Variants in TLK2 observed in about 807,000 individuals in gnomAD.
TLK2 encodes the protein serine/threonine-protein kinase tousled-like 2.
In TLK2, 6 loss-of-function variants were observed where a neutral mutation model predicts 117.3. That is an observed-to-expected ratio of 0.05 (90% CI 0.03 to 0.10). The LOEUF (loss-of-function observed/expected upper bound fraction) is 0.10, where lower values mean the gene tolerates loss of function less well. Among genes scored for constraint, TLK2 ranks in the 10% least tolerant of loss-of-function variants. TLK2 has a pLI of 1.00. For synonymous variants in TLK2, 257 were observed against 316.7 expected (o/e 0.81, Z 2.00); for missense variants, 299 against 901.2 (o/e 0.33, Z 8.56).
upstream of TLK2, among the ~76,000 whole-genome samples, chr17:62,477,090 CA>C (rs368864224): frequency 1.1e-3 from 163 of 144,878 alleles, no homozygotes; most frequent in South Asian, 5.4e-3. Flanking sequence ...GACTCTGTCT[CA>C]AAAAAAAAAA....
At chr17:62,529,683 G>A (rs560121120) in intron 6 of TLK2, among the ~76,000 whole-genome samples, 2 of 152,114 alleles carry the variant, frequency 1.3e-5, no homozygotes, top group Admixed American at 1.3e-4. Flanking sequence ...TTTCTCTTAA[G>A]TCTAAAATTT....
At chr17:62,532,598 A>C (rs1009798972) in intron 6 of TLK2, among the ~76,000 whole-genome samples, 7 of 152,346 alleles carry the variant, frequency 4.6e-5, no homozygotes, top group Non-Finnish European at 8.8e-5. Flanking sequence ...ATGAAAGTTC[A>C]ACAATTCAGA....
intron 11 of TLK2, 108 bp downstream of exon 11, chr17:62,565,245 C>T (rs925769150): frequency 7.1e-7 from 1 of 1,407,490 alleles, no homozygotes; most frequent in Admixed American, 2.6e-5. Context: ...GTCATCTTTT[C>T]AGTTAGTTTT....
chr17:62,483,920 G>C (rs1277392983), intron 2 of TLK2, among the ~76,000 whole-genome samples: 1 of 152,050 alleles, frequency 6.6e-6, no homozygotes, highest in Admixed American at 6.6e-5. Flanking sequence ...CTGCCTCCCG[G>C]GTTCAAGCTA....
At chr17:62,517,940 C>T (rs772158112) in intron 2 of TLK2, among the ~76,000 whole-genome samples, 29 of 152,166 alleles carry the variant, frequency 1.9e-4, no homozygotes, top group South Asian at 4.2e-4. Flanking sequence ...TCAGGTGATC[C>T]GCCTGTCTCG....
At position 62,490,644 on chromosome 17, in the gene TLK2, C is replaced by T. The variant is rs377334393; in HGVS notation, c.81+9438C>T. On this transcript the variant is annotated intron_variant, in intron 2 of 21. Transcript: ENST00000346027. ...GCAACCTCCACCTCCCGGGTTCAAGCGATTCTCCTGCCTCAGCCTCCCAAG... is the reference window on the plus strand; with the variant it reads ...GCAACCTCCACCTCCCGGGTTCAAGTGATTCTCCTGCCTCAGCCTCCCAAG... Among the ~76,000 whole-genome samples the T allele has an allele frequency of 3.5e-3, 533 of 152,234 alleles. 6 individuals are homozygous for T. The highest frequency in any genetic ancestry group is 0.012 in the African/African-American group (517 of 41,538).
In TLK2 at chr17:62,501,819, TAGTC is replaced by T. The variant is rs552649242; in HGVS notation, c.82-18951_82-18948del. ...ACAAAAAATATAAATAAATGAAAAT[TAGTC>T]AGGTGTGGTGGTGCACGCCTGTGGT... On this transcript the variant is annotated intron_variant, in intron 2 of 21. Coordinates refer to ENST00000346027, the MANE Select transcript of TLK2 (RefSeq NM_006852.6). Among the ~76,000 whole-genome samples the T allele has an allele frequency of 4.2e-3, 636 of 151,866 alleles. 4 individuals are homozygous for T. The highest frequency in any genetic ancestry group is 0.015 in the African/African-American group (610 of 41,394).
intron 7 of TLK2, among the ~76,000 whole-genome samples, chr17:62,549,290 T>C (rs1164452807): frequency 6.9e-6 from 1 of 144,270 alleles, no homozygotes; most frequent in African/African-American, 2.5e-5. Flanking sequence ...TCCCAGCTAC[T>C]CGGGAGGCTG....
rs371771311 is a variant in TLK2 at position 62,502,347 on chromosome 17, T to G, written c.82-18426T>G. 4.6e-5 allele frequency among the ~76,000 whole-genome samples: 7 copies of G among 152,286 alleles called. No individual in the cohort carries two copies. In the East Asian group the frequency reaches 1.3e-3, roughly 29 times the overall value. ...AGCATTTGACTAACTGTTAACACTATTTGTGATAAAAGCTCTCAGCTCACT... is the reference window on the plus strand; with the variant it reads ...AGCATTTGACTAACTGTTAACACTAGTTGTGATAAAAGCTCTCAGCTCACT... On this transcript the variant is annotated intron_variant, in intron 2 of 21. Coordinates refer to ENST00000346027, the MANE Select transcript of TLK2 (RefSeq NM_006852.6).
intron 7 of TLK2, among the ~76,000 whole-genome samples, chr17:62,547,319 A>G (rs1343237359): frequency 6.6e-6 from 1 of 150,584 alleles, no homozygotes; most frequent in Non-Finnish European, 1.5e-5. Context: ...GATTAGAGTG[A>G]TTAGGTGTTG....
intron 2 of TLK2, among the ~76,000 whole-genome samples, chr17:62,505,955 A>T (rs1233981135): frequency 6.6e-6 from 1 of 152,244 alleles, no homozygotes; most frequent in African/African-American, 2.4e-5. Context: ...GGCCTCCCGA[A>T]GTGCTGGGAT....
intron 6 of TLK2, among the ~76,000 whole-genome samples, chr17:62,527,819 C>T (rs556695881): frequency 3.8e-4 from 58 of 151,694 alleles, no homozygotes; most frequent in African/African-American, 1.2e-3. Flanking sequence ...CTTGGTTCAC[C>T]GCAACCTCCG....
At chr17:62,571,693 A>G (rs1055188961) in intron 11 of TLK2, among the ~76,000 whole-genome samples, 8 of 152,300 alleles carry the variant, frequency 5.3e-5, no homozygotes, top group African/African-American at 1.9e-4. Flanking sequence ...TTAATTTTGC[A>G]TACAGCATTG....
At chr17:62,600,594 TA>T (rs2082805839) in intron 17 of TLK2, 56 bp from the exon 18 acceptor site, 1 of 1,451,396 alleles carries the variant, frequency 6.9e-7, no homozygotes, top group Non-Finnish European at 9.2e-7. Context: ...CTAATTTAGG[TA>T]GTGTTAATCT....
chr17:62,589,538 G>A (rs1177548269), intron 16 of TLK2, among the ~76,000 whole-genome samples: 2 of 152,114 alleles, frequency 1.3e-5, no homozygotes, highest in South Asian at 2.1e-4. Flanking sequence ...TAAGAGATGC[G>A]GTTTTAGAGC....
At chr17:62,479,811 C>A (rs2071401629) in intron 1 of TLK2, among the ~76,000 whole-genome samples, 1 of 152,206 alleles carries the variant, frequency 6.6e-6, no homozygotes, top group African/African-American at 2.4e-5. Context: ...CGGGCCGGGC[C>A]TGGGGATGGA....
rs1488276337 is a variant in TLK2 at position 62,522,198 on chromosome 17, T to C, written c.154-6T>C. The stretch of plus-strand genomic sequence containing the variant: ...TGCTAATTGTGACTTATATGGTATT[T>C]GACAGACTCCCGAGAAAAAGCAGAA... On this transcript the variant is annotated splice_polypyrimidine_tract_variant and splice_region_variant and intron_variant, in intron 3 of 21. Coordinates refer to ENST00000346027, the MANE Select transcript of TLK2 (RefSeq NM_006852.6). 7 of 1,612,936 alleles carry C rather than the reference T, an allele frequency of 4.3e-6. No homozygotes were observed. Among genetic ancestry groups the C allele is most frequent in the Non-Finnish European group, 5.1e-6 (6 of 1,179,662 alleles).
intron 7 of TLK2, among the ~76,000 whole-genome samples, chr17:62,537,471 CTG>C (rs1369482609): frequency 6.6e-6 from 1 of 152,152 alleles, no homozygotes; most frequent in Non-Finnish European, 1.5e-5. Flanking sequence ...TTCTCCATGT[CTG>C]TGTGGGTTTT....
intron 2 of TLK2, among the ~76,000 whole-genome samples, chr17:62,495,318 A>G (rs1240196892): frequency 6.6e-6 from 1 of 152,336 alleles, no homozygotes; most frequent in South Asian, 2.1e-4. Context: ...ATTTTGATAC[A>G]ATATTATTAG....
Sources: gnomAD v4.1 joint callset for allele counts (sites outside exome capture counted in the v4.1 genomes callset) on GRCh38, gnomAD v4.1.1 for gene constraint, MANE v1.5 for transcripts, NCBI Gene and HGNC (gene_info 2026-07-23, HGNC 2026-07-21) for gene names.